SLCO1A2: variants seen among roughly 807,000 people sequenced by gnomAD.
SLCO1A2 encodes the protein solute carrier organic anion transporter family member 1A2.
SLCO1A2 carries 67 observed loss-of-function variants against 69.0 expected under a neutral mutation model. That is an observed-to-expected ratio of 0.97 (90% CI 0.80 to 1.19). The LOEUF (loss-of-function observed/expected upper bound fraction) is 1.19, where lower values mean the gene tolerates loss of function less well. Ranked by LOEUF, SLCO1A2 falls within the 50% of genes most tolerant of loss-of-function variation. SLCO1A2 has a pLI of 0.00. For synonymous variants in SLCO1A2, 260 were observed against 265.9 expected, an observed-to-expected ratio of 0.98 and a Z score of 0.22; for missense variants, 787 against 793.7, an observed-to-expected ratio of 0.99 and a Z score of 0.10.
At chr12:21,367,403 C>G (rs1939470405) in intron 2 of SLCO1A2, among the ~76,000 whole-genome samples, 1 of 151,944 alleles carries the variant, frequency 6.6e-6, no homozygotes, top group African/African-American at 2.4e-5. Flanking sequence ...AACTACGTAG[C>G]AATCCTAGAA....
At chr12:21,280,930 A>G (rs1349045203) in intron 12 of SLCO1A2, among the ~76,000 whole-genome samples, 1 of 152,154 alleles carries the variant, frequency 6.6e-6, no homozygotes, top group Non-Finnish European at 1.5e-5. Flanking sequence ...ACAAATCAAT[A>G]ACAAGAGGAA....
At chr12:21,338,888 T>G (rs1354091812), upstream of SLCO1A2, among the ~76,000 whole-genome samples, 1 of 151,960 alleles carries the variant, frequency 6.6e-6, no homozygotes, top group Admixed American at 6.6e-5. Context: ...TATTTATGTA[T>G]TTTTCACATA....
intron 2 of SLCO1A2, among the ~76,000 whole-genome samples, chr12:21,340,743 C>A (rs1953040542): frequency 6.6e-6 from 1 of 151,852 alleles, no homozygotes; most frequent in African/African-American, 2.4e-5. Context: ...ACGTGCAATA[C>A]TTGTCTGTCT....
intron 2 of SLCO1A2, among the ~76,000 whole-genome samples, chr12:21,328,825 A>AG (rs1223882259): frequency 6.6e-6 from 1 of 152,184 alleles, no homozygotes; most frequent in Non-Finnish European, 1.5e-5. Context: ...CAGTGAGCAA[A>AG]GGGGAGGGGA....
At chr12:21,393,425 C>A (rs1941258893) in intron 1 of SLCO1A2, among the ~76,000 whole-genome samples, 1 of 152,074 alleles carries the variant, frequency 6.6e-6, no homozygotes, top group African/African-American at 2.4e-5. Flanking sequence ...TAAGAAACAA[C>A]CATTTTCAAT....
chr12:21,336,127 C>T (rs1952880088), upstream of SLCO1A2, among the ~76,000 whole-genome samples: 1 of 151,888 alleles, frequency 6.6e-6, no homozygotes, highest in Non-Finnish European at 1.5e-5. Flanking sequence ...CATTTAGAAC[C>T]CAATCTCTCT....
chr12:21,285,960 G>A (rs1236365871), intron 12 of SLCO1A2, among the ~76,000 whole-genome samples: 1 of 152,124 alleles, frequency 6.6e-6, no homozygotes, highest in Non-Finnish European at 1.5e-5. Flanking sequence ...AGACAGGGAT[G>A]CCCTCTCTCA....
chr12:21,361,766 G>A (rs935931951), intron 2 of SLCO1A2, among the ~76,000 whole-genome samples: 15 of 152,120 alleles, frequency 9.9e-5, no homozygotes, highest in Non-Finnish European at 2.1e-4. Flanking sequence ...TTCAGTAGCC[G>A]ATTTGATCAA....
intron 8 of SLCO1A2, 31 bp from the exon 9 acceptor site, chr12:21,297,599 C>A: frequency 6.8e-7 from 1 of 1,466,352 alleles, no homozygotes; most frequent in Non-Finnish European, 9.1e-7. Context: ...CTGTGTCAAA[C>A]GAACTTGGCT....
chr12:21,419,385 G>A (rs1018466980), upstream of SLCO1A2: 1 of 153,258 alleles, frequency 6.5e-6, no homozygotes, highest in Admixed American at 6.5e-5. Context: ...GCCGAAGCAG[G>A]GCGAGGCATT....
chr12:21,412,004 T>C (rs1471536201), intron 1 of SLCO1A2, among the ~76,000 whole-genome samples: 1 of 152,180 alleles, frequency 6.6e-6, no homozygotes, highest in Admixed American at 6.5e-5. Context: ...GAACATGATA[T>C]ATCTATTTAG....
chr12:21,273,607 C>G (rs1943280822), intron 14 of SLCO1A2, among the ~76,000 whole-genome samples: 1 of 152,126 alleles, frequency 6.6e-6, no homozygotes, highest in Non-Finnish European at 1.5e-5. Flanking sequence ...ATCCAAGTAG[C>G]AGGATGAGGC....
chr12:21,351,195 A>G (rs1304204087), intron 2 of SLCO1A2, among the ~76,000 whole-genome samples: 12 of 152,234 alleles, frequency 7.9e-5, no homozygotes, highest in Non-Finnish European at 1.6e-4. Flanking sequence ...TAAGAAATAT[A>G]GACAAATACG....
In SLCO1A2 at chr12:21,380,779, A is replaced by G. The variant is rs146753289; in HGVS notation, c.-189-6254T>C. Among the ~76,000 whole-genome samples the G allele has an allele frequency of 1.4e-3, 212 of 152,270 alleles. 1 individual carries two copies. Among genetic ancestry groups the G allele is most frequent in the African/African-American group, 4.8e-3 (198 of 41,526 alleles). ...GTACATGAAATCATAGGTACCCTTG[A>G]GTAACCTGAGTGAGTTAGGCTTCCA... is the stretch of plus-strand genomic sequence containing the variant. On this transcript the variant is annotated intron_variant, in intron 1 of 15. Coordinates refer to the SLCO1A2 transcript ENST00000307378.
At chr12:21,305,889 G>A (rs566496000) in intron 5 of SLCO1A2, among the ~76,000 whole-genome samples, 8 of 152,164 alleles carry the variant, frequency 5.3e-5, no homozygotes, top group Non-Finnish European at 8.8e-5. Context: ...GAATAAAAAT[G>A]TCCCCATAAA....
intron 2 of SLCO1A2, among the ~76,000 whole-genome samples, chr12:21,359,118 G>A (rs1938610643): frequency 6.6e-6 from 1 of 152,118 alleles, no homozygotes; most frequent in African/African-American, 2.4e-5. Context: ...GCAAGGCCAT[G>A]GGATAAGACT....
At chr12:21,373,769 C>G (rs949592083) in intron 2 of SLCO1A2, 1 of 683,446 alleles carries the variant, frequency 1.5e-6, no homozygotes, top group African/African-American at 1.8e-5. Context: ...GATACTGAAA[C>G]AAACCAGAGA....
At chr12:21,284,051 C>T (rs574644582) in intron 12 of SLCO1A2, among the ~76,000 whole-genome samples, 2 of 152,260 alleles carry the variant, frequency 1.3e-5, no homozygotes, top group South Asian at 4.2e-4. Flanking sequence ...CCAGCAATCC[C>T]ACTTCTAGGT....
At chr12:21,328,576 T>C (rs1400338038) in intron 2 of SLCO1A2, among the ~76,000 whole-genome samples, 1 of 152,126 alleles carries the variant, frequency 6.6e-6, no homozygotes, top group East Asian at 1.9e-4. Flanking sequence ...TGGGATTGCC[T>C]GTTTTATGCA....
Sources: allele counts gnomAD v4.1 joint callset (sites outside exome capture counted in the v4.1 genomes callset), GRCh38; gene constraint gnomAD v4.1.1; transcripts MANE v1.5; gene names NCBI Gene and HGNC (gene_info 2026-07-23, HGNC 2026-07-21).